Variants in MAP3K3 observed in about 807,000 individuals in gnomAD.
The protein encoded by MAP3K3 is mitogen-activated protein kinase kinase kinase 3.
In MAP3K3, 12 loss-of-function variants were observed where a neutral mutation model predicts 80.9. That is an observed-to-expected ratio of 0.15 (90% CI 0.10 to 0.24). The LOEUF (loss-of-function observed/expected upper bound fraction) is 0.24, where lower values mean the gene tolerates loss of function less well. MAP3K3 is among the 10% of genes least tolerant of loss of function. MAP3K3 has a pLI of 1.00. For missense variants in MAP3K3, 596 were observed against 834.7 expected (o/e 0.71, Z 3.52); for synonymous variants, 272 against 307.1 (o/e 0.89, Z 1.19).
At chr17:63,649,672 T>A (rs2034611349) in intron 3 of MAP3K3, among the ~76,000 whole-genome samples, 1 of 152,134 alleles carries the variant, frequency 6.6e-6, no homozygotes, top group Non-Finnish European at 1.5e-5. Flanking sequence ...CCTTCCAGAG[T>A]TCTGGGATTA....
intron 2 of MAP3K3, among the ~76,000 whole-genome samples, chr17:63,643,105 ACC>A (rs2034477358): frequency 6.6e-6 from 1 of 152,074 alleles, no homozygotes; most frequent in South Asian, 2.1e-4. Context: ...AAAAACAAAA[ACC>A]TGAGGAAATA....
chr17:63,661,995 C>G (rs1277368056), intron 5 of MAP3K3, among the ~76,000 whole-genome samples: 5 of 151,986 alleles, frequency 3.3e-5, no homozygotes, highest in South Asian at 2.1e-4. Context: ...CCCAGCTACT[C>G]GGGAGGCTGA....
chr17:63,629,124 T>C (rs561256575), intron 1 of MAP3K3, among the ~76,000 whole-genome samples: 1 of 152,176 alleles, frequency 6.6e-6, no homozygotes, highest in South Asian at 2.1e-4. Flanking sequence ...AAAGTTGTTA[T>C]TTGTTGTTTT....
chr17:63,670,840 A>G (rs1023236182), intron 6 of MAP3K3, among the ~76,000 whole-genome samples: 16 of 151,964 alleles, frequency 1.1e-4, no homozygotes, highest in Admixed American at 9.2e-4. Context: ...AGCAAGGGGA[A>G]GGGGAGGGCA....
At chr17:63,666,255 G>T (rs1489385410) in intron 5 of MAP3K3, among the ~76,000 whole-genome samples, 1 of 152,144 alleles carries the variant, frequency 6.6e-6, no homozygotes, top group Non-Finnish European at 1.5e-5. Context: ...ATCCTGAGAT[G>T]ATTTGTGTGT....
chr17:63,658,019 G>A (rs1395279401), intron 5 of MAP3K3, 112 bp downstream of exon 5: 1 of 561,352 alleles, frequency 1.8e-6, no homozygotes, highest in African/African-American at 1.9e-5. Context: ...GCCAAATTGA[G>A]AGCATAAGCA....
chr17:63,641,137 T>C (rs930218266), intron 2 of MAP3K3, among the ~76,000 whole-genome samples: 5 of 152,236 alleles, frequency 3.3e-5, no homozygotes, highest in Admixed American at 3.3e-4. Context: ...TACCCAATTA[T>C]ATGATTTAAT....
chr17:63,625,946 C>T (rs556947605), intron 1 of MAP3K3, among the ~76,000 whole-genome samples: 3 of 152,076 alleles, frequency 2.0e-5, no homozygotes, highest in East Asian at 1.9e-4. Context: ...AGTGGCATGC[C>T]CCTATAGTCC....
chr17:63,688,291 G>C, intron 8 of MAP3K3: 1 of 573,374 alleles, frequency 1.7e-6, no homozygotes. Context: ...AGCCAGGCTG[G>C]AGTTGGGTCA....
chr17:63,689,516 C>G lies in MAP3K3; in HGVS notation c.872-28C>G, dbSNP rs934476052. ...GCCTCGTAGCCTGGGGTGTGACTTG[C>G]TCTCCTCTGGCCCTTGCACCCTTTC... On this transcript the variant is annotated intron_variant, in intron 10 of 15. Coordinates refer to ENST00000361733, the MANE Select transcript of MAP3K3 (RefSeq NM_002401.5). This position sits in a 1 kb window ranked among gnomAD's most constrained non-coding sequence, Gnocchi z 4.3. 1.5e-5 allele frequency: 24 copies of G among 1,591,894 alleles called. No individual in the cohort carries two copies. The highest frequency in any genetic ancestry group is 2.1e-5 in the Non-Finnish European group (24 of 1,165,966).
chr17:63,676,204 G>C (rs990804956), intron 6 of MAP3K3, among the ~76,000 whole-genome samples: 1 of 152,168 alleles, frequency 6.6e-6, no homozygotes, highest in Non-Finnish European at 1.5e-5. Flanking sequence ...TGGAAAAAGT[G>C]AAAGTTTCTG....
At chr17:63,681,452 A>G (rs958374085) in intron 6 of MAP3K3, among the ~76,000 whole-genome samples, 1 of 152,196 alleles carries the variant, frequency 6.6e-6, no homozygotes, top group African/African-American at 2.4e-5. Context: ...AGGAGTAATT[A>G]TATATAAGAA....
At chr17:63,645,792 A>G (rs1321890348) in intron 2 of MAP3K3, among the ~76,000 whole-genome samples, 1 of 152,194 alleles carries the variant, frequency 6.6e-6, no homozygotes, top group African/African-American at 2.4e-5. Flanking sequence ...CAGCATAGCA[A>G]CTGAGCTGGG....
At chr17:63,646,858 G>A (rs549427773) in intron 3 of MAP3K3, among the ~76,000 whole-genome samples, 7 of 152,104 alleles carry the variant, frequency 4.6e-5, no homozygotes, top group East Asian at 1.9e-4. Flanking sequence ...GTGCATGTGC[G>A]GCACATGTAC....
intron 2 of MAP3K3, chr17:63,636,964 G>A (rs2034339566): frequency 1.7e-6 from 1 of 604,434 alleles, no homozygotes. Context: ...GGGCCTCCAA[G>A]CTGGTGCCCA....
chr17:63,664,829 T>C (rs1260504952), intron 5 of MAP3K3, among the ~76,000 whole-genome samples: 1 of 152,164 alleles, frequency 6.6e-6, no homozygotes, highest in Non-Finnish European at 1.5e-5. Flanking sequence ...CTCCTTCCTC[T>C]TTTTCCCACT....
intron 1 of MAP3K3, among the ~76,000 whole-genome samples, chr17:63,626,145 A>G (rs2143120557): frequency 6.6e-6 from 1 of 152,314 alleles, no homozygotes; most frequent in South Asian, 2.1e-4. Context: ...TGTCCAACTG[A>G]GCATTACTTA....
intron 1 of MAP3K3, among the ~76,000 whole-genome samples, chr17:63,627,276 T>C (rs550306980): frequency 4.7e-4 from 71 of 152,320 alleles, no homozygotes; most frequent in African/African-American, 1.6e-3. Flanking sequence ...ACTCCTCCTT[T>C]TCCTAGATTC....
intron 5 of MAP3K3, among the ~76,000 whole-genome samples, chr17:63,660,047 G>A (rs1057202790): frequency 6.6e-6 from 1 of 152,098 alleles, no homozygotes; most frequent in Non-Finnish European, 1.5e-5. Context: ...ACTGGCACCA[G>A]CCCAGATATC....
Sources: allele counts gnomAD v4.1 joint callset (sites outside exome capture counted in the v4.1 genomes callset), GRCh38; gene constraint gnomAD v4.1.1; non-coding constraint Gnocchi (gnomAD v3.1); transcripts MANE v1.5; gene names NCBI Gene and HGNC (gene_info 2026-07-23, HGNC 2026-07-21).